CEP112: variants seen among roughly 807,000 people sequenced by gnomAD.
CEP112 encodes the protein centrosomal protein 112.
Under a neutral mutation model 153.0 loss-of-function variants are expected in CEP112, and 127 were observed. The ratio of observed to expected loss-of-function variants is 0.83; its 90% CI spans 0.72 to 0.96. CEP112 has a LOEUF of 0.96. CEP112 is among the 40% of genes least tolerant of loss of function. The pLI is 0.00. For missense variants in CEP112, 1,089 were observed against 1,101.2 expected (o/e 0.99, Z 0.16); for synonymous variants, 358 against 374.4 (o/e 0.96, Z 0.51).
intron 4 of CEP112, among the ~76,000 whole-genome samples, chr17:66,148,536 A>G (rs1018422096): frequency 6.6e-6 from 1 of 152,162 alleles, no homozygotes. Flanking sequence ...TTCTTTCATC[A>G]AGGTTTTGTA....
At chr17:65,919,694 G>A (rs925220057) in intron 19 of CEP112, among the ~76,000 whole-genome samples, 8 of 151,978 alleles carry the variant, frequency 5.3e-5, no homozygotes, top group Admixed American at 2.0e-4. Context: ...GACAGCCCCC[G>A]GAAGGCACAG....
intron 21 of CEP112, among the ~76,000 whole-genome samples, chr17:65,806,695 T>C (rs1598638309): frequency 6.6e-6 from 1 of 152,204 alleles, no homozygotes; most frequent in East Asian, 1.9e-4. Flanking sequence ...TGTTCCACCA[T>C]GGATGGGAAG....
intron 18 of CEP112, among the ~76,000 whole-genome samples, chr17:65,932,958 G>A (rs1592613): frequency 0.48 from 72,519 of 151,720 alleles, 18,285 homozygotes; most frequent in East Asian, 0.89. Context: ...AAAACAATAT[G>A]CAGACAAAAG....
At chr17:65,722,510 A>C (rs1189547005) in intron 23 of CEP112, among the ~76,000 whole-genome samples, 4 of 152,158 alleles carry the variant, frequency 2.6e-5, no homozygotes, top group African/African-American at 9.7e-5. Flanking sequence ...TGGCCTCCCA[A>C]AGTGCTGGGA....
intron 17 of CEP112, among the ~76,000 whole-genome samples, chr17:65,968,449 T>C (rs1236998420): frequency 6.6e-6 from 1 of 152,204 alleles, no homozygotes; most frequent in Non-Finnish European, 1.5e-5. Context: ...ATTTATCATG[T>C]GACAGAAGCT....
intron 21 of CEP112, among the ~76,000 whole-genome samples, chr17:65,785,248 T>G (rs906481534): frequency 6.6e-6 from 1 of 152,220 alleles, no homozygotes; most frequent in Non-Finnish European, 1.5e-5. Context: ...TTTTTCCACT[T>G]TTTGACTACT....
chr17:65,660,898 T>C (rs1014966068), intron 24 of CEP112, among the ~76,000 whole-genome samples: 1 of 152,114 alleles, frequency 6.6e-6, no homozygotes, highest in Non-Finnish European at 1.5e-5. Flanking sequence ...TCTAGTTTTT[T>C]CCTTCTCCAG....
At chr17:65,981,513 T>C (rs1371904372) in intron 17 of CEP112, among the ~76,000 whole-genome samples, 1 of 152,198 alleles carries the variant, frequency 6.6e-6, no homozygotes. Flanking sequence ...GTGAACCTAA[T>C]TGAGGTTGAA....
intron 16 of CEP112, among the ~76,000 whole-genome samples, chr17:66,020,353 C>T (rs1174180330): frequency 6.6e-6 from 1 of 152,032 alleles, no homozygotes; most frequent in Non-Finnish European, 1.5e-5. Context: ...TAAAAGAGCA[C>T]TCATGCAGGT....
chr17:65,946,825 G>A (rs2061667053), intron 18 of CEP112, among the ~76,000 whole-genome samples: 1 of 151,982 alleles, frequency 6.6e-6, no homozygotes, highest in African/African-American at 2.4e-5. Flanking sequence ...CCATACACAT[G>A]ATATATCCCT....
intron 2 of CEP112, among the ~76,000 whole-genome samples, chr17:66,178,293 T>G (rs761947900): frequency 7.2e-5 from 11 of 152,212 alleles, no homozygotes; most frequent in Non-Finnish European, 1.3e-4. Context: ...GCAGTTTTTA[T>G]CTGCGTTGCT....
chr17:65,907,321 A>G (rs987208075), intron 19 of CEP112, among the ~76,000 whole-genome samples: 11 of 152,200 alleles, frequency 7.2e-5, no homozygotes. Context: ...CAGGAAAAAA[A>G]GGAAATAGCG....
At chr17:66,146,801 T>C (rs2070938655) in intron 4 of CEP112, among the ~76,000 whole-genome samples, 1 of 152,168 alleles carries the variant, frequency 6.6e-6, no homozygotes, top group Non-Finnish European at 1.5e-5. Flanking sequence ...CTTAGCATAA[T>C]GTCTTCAAGA....
chr17:65,817,460 A>G (rs962476421), intron 21 of CEP112, among the ~76,000 whole-genome samples: 7 of 151,940 alleles, frequency 4.6e-5, no homozygotes, highest in Non-Finnish European at 7.4e-5. Flanking sequence ...AGATCAGATC[A>G]AAGCAAAAAT....
chr17:66,058,351 A>C (rs1186863692), intron 11 of CEP112, among the ~76,000 whole-genome samples: 1 of 152,128 alleles, frequency 6.6e-6, no homozygotes, highest in African/African-American at 2.4e-5. Context: ...AATTTATAGA[A>C]AAGATAAAAC....
chr17:65,974,196 C>A (rs998153811), intron 17 of CEP112, among the ~76,000 whole-genome samples: 3 of 151,998 alleles, frequency 2.0e-5, no homozygotes, highest in African/African-American at 4.8e-5. Flanking sequence ...CCCACTTCAA[C>A]CCCCCAAGTG....
intron 17 of CEP112, among the ~76,000 whole-genome samples, chr17:65,970,553 A>C (rs2144941494): frequency 6.6e-6 from 1 of 152,242 alleles, no homozygotes; most frequent in African/African-American, 2.4e-5. Context: ...ATTACATGAA[A>C]GTTACCTACA....
At chr17:66,106,503 T>C (rs2068790206) in intron 6 of CEP112, among the ~76,000 whole-genome samples, 1 of 152,032 alleles carries the variant, frequency 6.6e-6, no homozygotes, top group Admixed American at 6.6e-5. Flanking sequence ...CATTAGACGC[T>C]ACTATGAGCA....
At chr17:66,127,762 C>G (rs2069918903) in intron 6 of CEP112, among the ~76,000 whole-genome samples, 1 of 152,122 alleles carries the variant, frequency 6.6e-6, no homozygotes, top group East Asian at 1.9e-4. Flanking sequence ...CTTGAACTAT[C>G]CCATTTAACC....
Sources: allele counts gnomAD v4.1 joint callset (sites outside exome capture counted in the v4.1 genomes callset), GRCh38; gene constraint gnomAD v4.1.1; transcripts MANE v1.5; gene names NCBI Gene and HGNC (gene_info 2026-07-23, HGNC 2026-07-21).